TBR1: variants seen among roughly 807,000 people sequenced by gnomAD.
TBR1 encodes the protein T-box brain transcription factor 1.
A neutral mutation model predicts 60.3 loss-of-function variants in TBR1; 7 were observed. The observed-to-expected ratio is 0.12, with a 90% CI of 0.07 to 0.22. The LOEUF (loss-of-function observed/expected upper bound fraction) is 0.22. TBR1 is among the 10% of genes least tolerant of loss of function. The pLI is 1.00. For synonymous variants in TBR1, 417 were observed against 409.9 expected (o/e 1.02, Z -0.21); for missense variants, 616 against 936.8 (o/e 0.66, Z 4.47).
At chr2:161,418,391 T>C in intron 3 of TBR1, 69 bp downstream of exon 3, 4 of 1,562,698 alleles carry the variant, frequency 2.6e-6, no homozygotes, top group South Asian at 1.2e-5. Context: ...AGTTCGTCAG[T>C]GTAAAGCAGC....
chr2:161,421,916 T>C (rs6729406), intron 5 of TBR1: 114,126 of 150,534 alleles, frequency 0.76, 43,746 homozygotes, highest in Middle Eastern at 0.87. Flanking sequence ...TTTAAATCTT[T>C]CATAAAAGCT....
Position 161,424,262 on chromosome 2 carries a change from G to A in TBR1, c.*35G>A. 1.3e-6 allele frequency: 2 copies of A among 1,516,230 alleles called. No individual in the cohort carries two copies. The highest frequency in any genetic ancestry group is 1.8e-6 in the Non-Finnish European group (2 of 1,125,366). The allele number at this position is 1,516,230 out of a possible 1,614,324, so 93.9% of individuals were successfully genotyped here. On this transcript the variant is annotated 3_prime_UTR_variant, in exon 6 of 6. Transcript: ENST00000389554. The surrounding 1 kb of genome is among the most constrained non-coding windows in gnomAD (Gnocchi z 4.4). Reference sequence around the variant, plus strand: ...GCCCGCCCGGCCCCGCCGCGGCCCGGACCCCCAGCCAGCCCCTCACAGCTC... The same window carrying A: ...GCCCGCCCGGCCCCGCCGCGGCCCGAACCCCCAGCCAGCCCCTCACAGCTC...
In TBR1 at chr2:161,418,265, C is replaced by A. The variant is rs1373634502; in HGVS notation, c.912C>A (p.Ile304=). 5 of 1,613,990 alleles carry A rather than the reference C, an allele frequency of 3.1e-6. No homozygotes were observed. In the Admixed American group the frequency reaches 5.0e-5, roughly 16 times the overall value. ...NTGAHWMRQE[I]SFGKLKLTNN... ...GGGCTCACTGGATGCGCCAAGAAAT[C>A]TCTTTTGGAAAATTAAAACTTACGA... The change falls in exon 3 of 6, where the codon ATC becomes ATA. Residue 304 remains isoleucine, a synonymous_variant. Transcript: ENST00000389554.
At chr2:161,418,822 G>A in intron 3 of TBR1, 70 bp from the exon 4 acceptor site, 4 of 1,541,146 alleles carry the variant, frequency 2.6e-6, no homozygotes, top group African/African-American at 1.4e-5. Flanking sequence ...GCAGCCGGGC[G>A]CACACAGCCA....
intron 4 of TBR1, 196 bp from the exon 5 acceptor site, chr2:161,420,000 T>A: frequency 2.4e-6 from 1 of 412,610 alleles, no homozygotes; most frequent in Non-Finnish European, 4.4e-6. Context: ...AATTTAAACA[T>A]GTTCCTCATA....
In TBR1 at chr2:161,418,853, ACACGCCAC is replaced by A. The variant is rs755922612; in HGVS notation, c.970-37_970-30del. 19 of 1,595,470 alleles carry A rather than the reference ACACGCCAC, an allele frequency of 1.2e-5. No individual in the cohort carries two copies. The East Asian group carries it at 4.4e-4, about 37-fold the overall frequency. ...AGCCACGCGCACAGCGACCGCGTTA[ACACGCCAC>A]CCGGCGCTCCCCTTTCTTCCCGCCG... On this transcript the variant is annotated intron_variant, in intron 3 of 5. Transcript: ENST00000389554.
intron 5 of TBR1, 54 bp downstream of exon 5, chr2:161,420,311 C>T: frequency 6.9e-7 from 1 of 1,446,578 alleles, no homozygotes; most frequent in Non-Finnish European, 9.6e-7. Flanking sequence ...GGCTTTAGGT[C>T]AAAGGTGTAT....
At chr2:161,423,317 GGGACCT>G in intron 5 of TBR1, 46 bp from the exon 6 acceptor site, 1 of 430,632 alleles carries the variant, frequency 2.3e-6, no homozygotes, top group Middle Eastern at 3.5e-4. Flanking sequence ...CCCACCCCAA[GGGACCT>G]CCGCGCCACC....
chr2:161,416,447 C>A lies in TBR1; in HGVS notation c.37C>A (p.Leu13Ile). Residue 13 changes from leucine (L) to isoleucine (I), a missense_variant, in exon 1 of 6, where the codon CTC becomes ATC. Leu to Ile is a conservative substitution (Grantham distance 5). This residue lies in a region of TBR1 where 211 missense variants were observed against 268.7 expected (regional missense o/e 0.79). Transcript: ENST00000389554. This position sits in a 1 kb window ranked among gnomAD's most constrained non-coding sequence, Gnocchi z 6.1. ...GCACTGCCTTTCTCCTTCTATCATG[C>A]TCTCCAAGAAATTTCTCAATGTGAG... ...LEHCLSPSIM[L>I]SKKFLNVSSS... The A allele has an allele frequency of 1.2e-6, 2 of 1,609,392 alleles. No individual in the cohort carries two copies. The highest frequency in any genetic ancestry group is 1.7e-6 in the Non-Finnish European group (2 of 1,177,436).
Position 161,424,235 on chromosome 2 carries a change from C to G in TBR1, c.*8C>G, listed in dbSNP as rs890202920. ...TTCTACTCGCACAGCTAGGCCGCCCCTGCCCGCCCGGCCCCGCCGCGGCCC... is the reference window on the plus strand; with the variant it reads ...TTCTACTCGCACAGCTAGGCCGCCCGTGCCCGCCCGGCCCCGCCGCGGCCC... On this transcript the variant is annotated 3_prime_UTR_variant, in exon 6 of 6. Transcript: ENST00000389554. The surrounding 1 kb of genome is among the most constrained non-coding windows in gnomAD (Gnocchi z 4.4). 29 of 1,546,782 alleles carry G rather than the reference C, an allele frequency of 1.9e-5. No individual in the cohort carries two copies. Among genetic ancestry groups the G allele is most frequent in the Non-Finnish European group, 2.5e-5 (28 of 1,141,946 alleles).
At position 161,423,424 on chromosome 2, in the gene TBR1, C is replaced by G. The variant is rs1257935819; in HGVS notation, c.1246C>G (p.Arg416Gly). ...GACCCCCTCGCCCAACGACTCGCCG[C>G]GCTCGCAGATCGTGCCCGGGGCCCG... ...RLTPSPNDSP[R>G]SQIVPGARYA... Residue 416 changes from arginine to glycine, a missense_variant, in exon 6 of 6, where the codon CGC becomes GGC. Physicochemically the swap from Arg to Gly is moderately radical, Grantham distance 125. This residue lies in a region of TBR1 where 19 missense variants were observed against 42.2 expected (regional missense o/e 0.45). Coordinates refer to ENST00000389554, the MANE Select transcript of TBR1 (RefSeq NM_006593.4). 1 of 1,598,640 alleles carries G rather than the reference C, an allele frequency of 6.3e-7. No homozygotes were observed. The highest frequency in any genetic ancestry group is 8.5e-7 in the Non-Finnish European group (1 of 1,173,206).
At chr2:161,420,611 C>G (rs1008650936) in intron 5 of TBR1, 1 of 177,170 alleles carries the variant, frequency 5.6e-6, no homozygotes, top group African/African-American at 2.4e-5. Flanking sequence ...GGTGCGAGTA[C>G]TGTATGTGGC....
At position 161,416,494 on chromosome 2, in the gene TBR1, C is replaced by A. The variant is rs751369418; in HGVS notation, c.84C>A (p.Gly28=). The change falls in exon 1 of 6, where the codon GGC becomes GGA. Residue 28 remains glycine (G), a synonymous_variant. Coordinates refer to ENST00000389554, the MANE Select transcript of TBR1 (RefSeq NM_006593.4). The surrounding 1 kb of genome is among the most constrained non-coding windows in gnomAD (Gnocchi z 6.1). ...TGAGCAGCAGCTACCCACATTCAGG[C>A]GGATCCGAGCTTGTCTTGCACGATC... The part of the protein sequence containing the change: ...LNVSSSYPHS[G]GSELVLHDHP... 3.7e-6 allele frequency: 6 copies of A among 1,614,014 alleles called. No homozygotes were observed. Among genetic ancestry groups the A allele is most frequent in the African/African-American group, 2.7e-5 (2 of 75,010 alleles).
rs1684303531 is a variant in TBR1 at position 161,425,344 on chromosome 2, T to C, written c.*1117T>C. On this transcript the variant is annotated 3_prime_UTR_variant, in exon 6 of 6. Coordinates refer to ENST00000389554, the MANE Select transcript of TBR1 (RefSeq NM_006593.4). ...TCTATTAATGATATAGATGACTGAA[T>C]TGTTGGTAACTATAGTGTAGTCTAG... 6.6e-6 allele frequency: 1 copy of C among 152,232 alleles called. No individual in the cohort carries two copies. Among genetic ancestry groups the C allele is most frequent in the Admixed American group, 6.5e-5 (1 of 15,286 alleles). The allele number at this position is 152,232 out of a possible 1,614,324, so 9.4% of individuals were successfully genotyped here. A position where few individuals can be genotyped will look rare whatever the true frequency, so the allele number is the denominator to read the frequency against.
rs1177893657 is a variant in TBR1, at chr2:161,425,741, A to G, written c.*1514A>G. The stretch of plus-strand genomic sequence containing the variant: ...CTGTAAATCTAATGTTGTGATTTTT[A>G]TATTTGTTTCGTTTTGTCTGTGAAC... On this transcript the variant is annotated 3_prime_UTR_variant, in exon 6 of 6. Transcript: ENST00000389554. 2.0e-5 allele frequency: 3 copies of G among 152,172 alleles called. No individual in the cohort carries two copies. The highest frequency in any genetic ancestry group is 1.9e-4 in the East Asian group (1 of 5,202). 9.4% of individuals were successfully genotyped at this position (152,172 alleles called of 1,614,324 possible). A position where few individuals can be genotyped will look rare whatever the true frequency, so the allele number is the denominator to read the frequency against.
intron 5 of TBR1, chr2:161,420,480 T>C (rs1684214983): frequency 6.8e-6 from 2 of 295,622 alleles, no homozygotes; most frequent in Non-Finnish European, 1.2e-5. Flanking sequence ...TGTGGCTTGG[T>C]ACTTGCGTGG....
chr2:161,423,121 T>G (rs1684257856), intron 5 of TBR1: 3 of 380,810 alleles, frequency 7.9e-6, no homozygotes, highest in East Asian at 3.8e-5. Flanking sequence ...GTTCCCTTGA[T>G]GGTCTGTATC....
chr2:161,418,112 G>C, intron 2 of TBR1, 89 bp from the exon 3 acceptor site: 3 of 1,524,240 alleles, frequency 2.0e-6, no homozygotes, highest in Non-Finnish European at 1.8e-6. Context: ...GTGTGTGTGT[G>C]TGTGTGTGTG....
chr2:161,420,410 T>C (rs1483097307), intron 5 of TBR1, 153 bp downstream of exon 5: 3 of 376,980 alleles, frequency 8.0e-6, no homozygotes, highest in Non-Finnish European at 1.4e-5. Flanking sequence ...TTCTTTCTTC[T>C]TCCTCTTCTT....
Sources: allele counts gnomAD v4.1 joint callset, GRCh38; gene constraint gnomAD v4.1.1; regional missense constraint gnomAD v4.1.1; non-coding constraint Gnocchi (gnomAD v3.1); transcripts MANE v1.5; gene names NCBI Gene and HGNC (gene_info 2026-07-23, HGNC 2026-07-21).